The following CHRM5 variants were observed in gnomAD, a reference collection of about 807,000 sequenced individuals.
CHRM5 encodes muscarinic acetylcholine receptor M5.
A neutral mutation model predicts 39.0 loss-of-function variants in CHRM5; 18 were observed. That is an observed-to-expected ratio of 0.46 (90% CI 0.32 to 0.68). The LOEUF is 0.68. Ranked by LOEUF, CHRM5 falls within the 30% of genes least tolerant of loss-of-function variation. The pLI is 0.04. For missense variants in CHRM5, 515 were observed against 651.1 expected, an observed-to-expected ratio of 0.79 and a Z score of 2.28; for synonymous variants, 241 against 246.3, an observed-to-expected ratio of 0.98 and a Z score of 0.20.
chr15:34,003,962 G>A (rs1367144666), intron 1 of CHRM5, among the ~76,000 whole-genome samples: 1 of 152,158 alleles, frequency 6.6e-6, no homozygotes, highest in African/African-American at 2.4e-5. Flanking sequence ...ACAAATTACT[G>A]ACAAAGTCAA....
At chr15:34,030,546 T>C (rs1898736668) in intron 1 of CHRM5, among the ~76,000 whole-genome samples, 1 of 152,000 alleles carries the variant, frequency 6.6e-6, no homozygotes, top group African/African-American at 2.4e-5. Context: ...CAGGGTTTCA[T>C]TGTGTTAGGC....
chr15:34,022,502 A>G (rs1404943556), intron 1 of CHRM5, among the ~76,000 whole-genome samples: 1 of 152,166 alleles, frequency 6.6e-6, no homozygotes, highest in East Asian at 1.9e-4. Flanking sequence ...AAAGCTCCCC[A>G]TCCATCAGAA....
rs753645354 is a variant in CHRM5 at position 34,063,763 on chromosome 15, C to G, written c.1046C>G (p.Ala349Gly). The G allele has an allele frequency of 1.9e-5, 30 of 1,614,066 alleles. No homozygotes were observed. The South Asian group carries it at 2.9e-4, about 15-fold the overall frequency. The change falls in exon 3 of 3, where the codon GCT becomes GGT. Residue 349 changes from alanine to glycine, a missense_variant. Transcript: ENST00000383263. The surrounding 1 kb of genome is among the most constrained non-coding windows in gnomAD (Gnocchi z 4.1). ...AEETEETFVK[A>G]ETEKSDYDTP... is the part of the protein sequence containing the mutation. The stretch of plus-strand genomic sequence containing the variant: ...GAGACTGAGGAAACTTTTGTGAAAG[C>G]TGAAACTGAAAAAAGTGACTATGAC...
At chr15:34,056,365 C>T (rs1900149606) in intron 2 of CHRM5, among the ~76,000 whole-genome samples, 1 of 152,178 alleles carries the variant, frequency 6.6e-6, no homozygotes, top group South Asian at 2.1e-4. Context: ...TTGTTTTTTA[C>T]TAAAATGCAT....
chr15:34,056,851 C>T (rs1900171943), intron 2 of CHRM5, among the ~76,000 whole-genome samples: 1 of 152,028 alleles, frequency 6.6e-6, no homozygotes, highest in Non-Finnish European at 1.5e-5. Context: ...AGCAACATAG[C>T]GAGACCCTAT....
intron 1 of CHRM5, among the ~76,000 whole-genome samples, chr15:34,040,655 G>T (rs747212936): frequency 6.6e-6 from 1 of 151,986 alleles, no homozygotes; most frequent in Non-Finnish European, 1.5e-5. Flanking sequence ...CAGGCCAGGT[G>T]TGTGGTTCGT....
intron 2 of CHRM5, among the ~76,000 whole-genome samples, chr15:34,059,194 GCCT>G (rs1900257775): frequency 6.6e-6 from 1 of 152,124 alleles, no homozygotes; most frequent in African/African-American, 2.4e-5. Context: ...ACCACACCTG[GCCT>G]CCTTATTTTT....
intron 1 of CHRM5, among the ~76,000 whole-genome samples, chr15:34,006,610 G>A (rs1037769589): frequency 2.6e-5 from 4 of 152,158 alleles, no homozygotes; most frequent in African/African-American, 9.7e-5. Context: ...ATGGAAAGTG[G>A]GAGACCTAAA....
intron 1 of CHRM5, among the ~76,000 whole-genome samples, chr15:33,976,411 A>C (rs912574149): frequency 5.3e-5 from 8 of 152,154 alleles, no homozygotes; most frequent in Non-Finnish European, 7.3e-5. Flanking sequence ...TTGAGATTCA[A>C]TTTTAAGTAG....
intron 1 of CHRM5, among the ~76,000 whole-genome samples, chr15:34,008,689 C>T (rs957468531): frequency 9.9e-5 from 15 of 151,772 alleles, no homozygotes; most frequent in Admixed American, 5.9e-4. Flanking sequence ...AGGGTTTCAC[C>T]GTGTTAGCCA....
At chr15:34,028,367 G>A (rs2078561) in intron 1 of CHRM5, among the ~76,000 whole-genome samples, 3 of 152,048 alleles carry the variant, frequency 2.0e-5, no homozygotes, top group East Asian at 3.9e-4. Flanking sequence ...GAGTTCGAGA[G>A]CAGCCTGTGC....
intron 2 of CHRM5, among the ~76,000 whole-genome samples, chr15:34,048,178 A>G (rs1899789481): frequency 6.6e-6 from 1 of 152,224 alleles, no homozygotes; most frequent in East Asian, 1.9e-4. Context: ...ACCCGGCCAG[A>G]CTGCTTCTTT....
chr15:34,061,193 G>A (rs1340905408), intron 2 of CHRM5, among the ~76,000 whole-genome samples: 2 of 152,026 alleles, frequency 1.3e-5, no homozygotes, highest in Non-Finnish European at 2.9e-5. Context: ...GTCAGAGGTG[G>A]GAGGGAGACC....
chr15:33,997,037 T>C (rs1896964959), intron 1 of CHRM5, among the ~76,000 whole-genome samples: 1 of 152,116 alleles, frequency 6.6e-6, no homozygotes, highest in South Asian at 2.1e-4. Context: ...CTGAAAACCA[T>C]GGCACAAGAA....
chr15:34,019,330 T>A (rs1898104658), intron 1 of CHRM5, among the ~76,000 whole-genome samples: 1 of 152,254 alleles, frequency 6.6e-6, no homozygotes, highest in Non-Finnish European at 1.5e-5. Context: ...TTGGTACAGC[T>A]GTACAATGTG....
At chr15:33,977,884 C>G (rs1895952594) in intron 1 of CHRM5, among the ~76,000 whole-genome samples, 2 of 151,924 alleles carry the variant, frequency 1.3e-5, no homozygotes, top group South Asian at 4.2e-4. Flanking sequence ...CCGCAGCAAG[C>G]TGTGAACACG....
At chr15:33,977,040 G>A (rs755015345) in intron 1 of CHRM5, among the ~76,000 whole-genome samples, 36 of 152,154 alleles carry the variant, frequency 2.4e-4, no homozygotes, top group Non-Finnish European at 4.6e-4. Context: ...GCATGAATTA[G>A]TTATGGCAAG....
intron 2 of CHRM5, among the ~76,000 whole-genome samples, chr15:34,048,219 G>A (rs1452503169): frequency 6.6e-6 from 1 of 152,246 alleles, no homozygotes; most frequent in African/African-American, 2.4e-5. Context: ...CCTCCTCACT[G>A]GGTGGGATCT....
chr15:34,034,527 T>C (rs1899027424), intron 1 of CHRM5, among the ~76,000 whole-genome samples: 1 of 152,190 alleles, frequency 6.6e-6, no homozygotes, highest in Non-Finnish European at 1.5e-5. Flanking sequence ...TACAATATGT[T>C]GGAAATTTTA....
Sources: allele counts gnomAD v4.1 joint callset (sites outside exome capture counted in the v4.1 genomes callset), GRCh38; gene constraint gnomAD v4.1.1; non-coding constraint Gnocchi (gnomAD v3.1); transcripts MANE v1.5; gene names NCBI Gene and HGNC (gene_info 2026-07-23, HGNC 2026-07-21).